The following CATSPER2 variants were observed in gnomAD, a reference collection of about 807,000 sequenced individuals.
CATSPER2 encodes the protein cation channel sperm-associated protein 2.
A neutral mutation model predicts 68.8 loss-of-function variants in CATSPER2; 56 were observed. The observed-to-expected ratio is 0.81, with a 90% CI of 0.66 to 1.02. The LOEUF (loss-of-function observed/expected upper bound fraction) is 1.02. Ranked by LOEUF, CATSPER2 falls within the 50% of genes least tolerant of loss-of-function variation. The probability of loss-of-function intolerance (pLI) is 0.00; values close to 1 mark genes in which losing one functional copy is unlikely to be tolerated. For missense variants in CATSPER2, 582 were observed against 642.0 expected (o/e 0.91, Z 1.01); for synonymous variants, 198 against 229.9 (o/e 0.86, Z 1.26).
At chr15:43,642,401 A>T (rs1468817047) in intron 4 of CATSPER2, 1 of 150,430 alleles carries the variant, frequency 6.6e-6, no homozygotes, top group Non-Finnish European at 1.5e-5. Context: ...TCCCAGTTTA[A>T]TTGAGCATGA....
At chr15:43,630,969 A>G (rs1457011920) in intron 12 of CATSPER2, among the ~76,000 whole-genome samples, 1 of 151,988 alleles carries the variant, frequency 6.6e-6, no homozygotes, top group Non-Finnish European at 1.5e-5. Flanking sequence ...AATAAGTGGG[A>G]AGTCAGGGCT....
chr15:43,643,390 C>T (rs1298676929), intron 4 of CATSPER2, among the ~76,000 whole-genome samples: 3 of 151,364 alleles, frequency 2.0e-5, no homozygotes, highest in East Asian at 1.9e-4. Flanking sequence ...CTCACTCTGT[C>T]GCCCAGCTGC....
chr15:43,646,903 G>A lies in CATSPER2; in HGVS notation c.388+147C>T, dbSNP rs148673472. ...CTAATTTTTTGTATTTTTTAGTAGAGACAGGGTTTCACCATGTTGCCCAGG... is the reference window on the plus strand; with the variant it reads ...CTAATTTTTTGTATTTTTTAGTAGAAACAGGGTTTCACCATGTTGCCCAGG... On this transcript the variant is annotated intron_variant, in intron 4 of 12. Transcript: ENST00000396879. 2.8e-3 allele frequency: 2,016 copies of A among 717,224 alleles called. 45 individuals carry two copies. In the African/African-American group the frequency reaches 0.032, roughly 11 times the overall value. The allele number at this position is 717,224 out of a possible 1,614,324, so 44.4% of individuals were successfully genotyped here. A position where few individuals can be genotyped will look rare whatever the true frequency, so the allele number is the denominator to read the frequency against.
chr15:43,634,211 T>C (rs770176052), intron 10 of CATSPER2: 2 of 147,204 alleles, frequency 1.4e-5, no homozygotes, highest in Admixed American at 1.3e-4. Flanking sequence ...AATTATTTGT[T>C]CTTTATTGTT....
At chr15:43,639,250 T>TAC (rs201613421) in intron 6 of CATSPER2, among the ~76,000 whole-genome samples, 1 of 142,818 alleles carries the variant, frequency 7.0e-6, no homozygotes, top group Non-Finnish European at 1.5e-5. Flanking sequence ...CTTTCATATA[T>TAC]TTTTTTTTTT....
intron 10 of CATSPER2, chr15:43,633,671 C>G (rs1267026620): frequency 2.0e-5 from 3 of 152,350 alleles, no homozygotes; most frequent in Non-Finnish European, 4.4e-5. Context: ...CAGCTGGGCA[C>G]GATGGCTCAC....
At chr15:43,648,505 G>A in intron 1 of CATSPER2, 124 bp downstream of exon 1, 2 of 1,003,156 alleles carry the variant, frequency 2.0e-6, no homozygotes, top group Non-Finnish European at 2.7e-6. Flanking sequence ...ACCAAGTGCA[G>A]AGAAATTGGA....
chr15:43,647,858 A>T, intron 2 of CATSPER2, 59 bp downstream of exon 2: 1 of 1,571,532 alleles, frequency 6.4e-7, no homozygotes, highest in Non-Finnish European at 8.8e-7. Flanking sequence ...CCACTCTTAA[A>T]TGTAGAGGAT....
chr15:43,635,991 C>T, intron 8 of CATSPER2, 50 bp downstream of exon 8: 2 of 1,368,358 alleles, frequency 1.5e-6, no homozygotes, highest in Non-Finnish European at 2.0e-6. Flanking sequence ...TTCAGAATAA[C>T]TTTTTCCCAA....
rs1384671504 is a variant in CATSPER2 at position 43,640,273 on chromosome 15, T to C, written c.561+51A>G. On this transcript the variant is annotated intron_variant, in intron 5 of 12. Coordinates refer to ENST00000396879, the MANE Select transcript of CATSPER2 (RefSeq NM_172095.4). Reference sequence around the variant, plus strand: ...TGTTAACTTGTTCTTTCGATTCACCTAGGCACATTCTTCATCCCACTAAAC... The same window carrying C: ...TGTTAACTTGTTCTTTCGATTCACCCAGGCACATTCTTCATCCCACTAAAC... 4.4e-6 allele frequency: 7 copies of C among 1,602,200 alleles called. No individual in the cohort carries two copies. In the African/African-American group the frequency reaches 9.4e-5, roughly 22 times the overall value.
chr15:43,633,043 GA>G, intron 10 of CATSPER2, 109 bp from the exon 11 acceptor site: 1 of 851,376 alleles, frequency 1.2e-6, no homozygotes, highest in Non-Finnish European at 1.8e-6. Context: ...ATAAGACAAT[GA>G]GGGCCAAACT....
Position 43,632,816 on chromosome 15 carries a change from T to C in CATSPER2, c.1297A>G (p.Thr433Ala). 4 of 1,613,618 alleles carry C rather than the reference T, an allele frequency of 2.5e-6. No individual in the cohort carries two copies. In the South Asian group the frequency reaches 3.3e-5, roughly 13 times the overall value. ...TGGTACTCTCTCTTTTTTGACAAGG[T>C]CTCTTCTGTTTTTGATGCAGATGTT... ...LITSASKTEE[T>A]LSKKREYQSS... The change falls in exon 11 of 13, where the codon ACC (threonine) becomes GCC (alanine). Residue 433 changes from threonine (T) to alanine (A), a missense_variant. Thr to Ala is a moderately conservative substitution (Grantham distance 58). Around this residue, in one of 5 missense-constraint regions of CATSPER2, gnomAD observed 235 missense variants for 264.2 expected, o/e 0.89. Coordinates refer to ENST00000396879, the MANE Select transcript of CATSPER2 (RefSeq NM_172095.4).
At chr15:43,640,197 A>G in intron 5 of CATSPER2, 127 bp downstream of exon 5, 1 of 1,576,672 alleles carries the variant, frequency 6.3e-7, no homozygotes. Context: ...TTTTAGGGAA[A>G]AAAAATCAAA....
Position 43,632,885 on chromosome 15 carries a change from A to C in CATSPER2, c.1228T>G (p.Ser410Ala). Residue 410 changes from serine (S) to alanine (A), a missense_variant, in exon 11 of 13, where the codon TCT (serine) becomes GCT (alanine). By Grantham distance (99) the Ser-to-Ala change is moderately conservative. This residue lies in a region of CATSPER2 where 235 missense variants were observed against 264.2 expected (regional missense o/e 0.89). Coordinates refer to ENST00000396879, the MANE Select transcript of CATSPER2 (RefSeq NM_172095.4). ...GCACCATAATTAGACTCTACTTCAG[A>C]CACTTCTGATAAGTCCAAACTTTCC... Reference protein sequence around the residue: ...QRESLDLSEVSEVESNYGATE... With the variant: ...QRESLDLSEVAEVESNYGATE... 6.2e-7 allele frequency: 1 copy of C among 1,610,728 alleles called. No individual in the cohort carries two copies. Among genetic ancestry groups the C allele is most frequent in the East Asian group, 2.2e-5 (1 of 44,836 alleles).
chr15:43,635,676 C>A, intron 9 of CATSPER2, 51 bp downstream of exon 9: 1 of 1,538,276 alleles, frequency 6.5e-7, no homozygotes, highest in Non-Finnish European at 9.0e-7. Flanking sequence ...AAGAAATGAG[C>A]TCAGGAAACC....
chr15:43,648,869 GGCCCC>G (rs1399840895), upstream of CATSPER2: 22 of 1,508,142 alleles, frequency 1.5e-5, 1 homozygote, highest in Admixed American at 4.0e-5. Flanking sequence ...TCGCCGCCTA[GGCCCC>G]GCCCCGCCCC....
chr15:43,646,095 A>G (rs2086158282), intron 4 of CATSPER2, among the ~76,000 whole-genome samples: 1 of 151,878 alleles, frequency 6.6e-6, no homozygotes, highest in Non-Finnish European at 1.5e-5. Context: ...TAGATCGTTC[A>G]CTGATAGGCA....
rs775041018 is a variant in CATSPER2, at chr15:43,638,856, CT to C, written c.842+47del. The C allele has an allele frequency of 3.0e-5, 49 of 1,609,204 alleles. 1 individual carries two copies. The highest frequency in any genetic ancestry group is 1.7e-4 in the Middle Eastern group (1 of 6,050). ...ATACTTTGGACAAGCTTCCTGGTCT[CT>C]TAGCCAAATTTTCTCCCCTCACCCA... On this transcript the variant is annotated intron_variant, in intron 7 of 12. Transcript: ENST00000396879.
Position 43,632,850 on chromosome 15 carries a change from C to G in CATSPER2, c.1263G>C (p.Glu421Asp). 2 of 1,613,422 alleles carry G rather than the reference C, an allele frequency of 1.2e-6. No homozygotes were observed. The highest frequency in any genetic ancestry group is 1.7e-6 in the Non-Finnish European group (2 of 1,179,692). Residue 421 changes from glutamate to aspartate, a missense_variant, in exon 11 of 13, where the codon GAG becomes GAC. This residue lies in a region of CATSPER2 where 235 missense variants were observed against 264.2 expected (regional missense o/e 0.89). Transcript: ENST00000396879. The part of the protein sequence containing the change: ...EVESNYGATE[E>D]DLITSASKTE... Reference sequence around the variant, plus strand: ...TTTTTGATGCAGATGTTATTAAATCCTCTTCAGTGGCACCATAATTAGACT... The same window carrying G: ...TTTTTGATGCAGATGTTATTAAATCGTCTTCAGTGGCACCATAATTAGACT...
Sources: gnomAD v4.1 joint callset for allele counts (sites outside exome capture counted in the v4.1 genomes callset) on GRCh38, gnomAD v4.1.1 for gene constraint, gnomAD v4.1.1 regional missense constraint, MANE v1.5 for transcripts, NCBI Gene and HGNC (gene_info 2026-07-23, HGNC 2026-07-21) for gene names.